The following FAM124B variants were observed in gnomAD, a reference collection of about 807,000 sequenced individuals.
FAM124B encodes family with sequence similarity 124 member B.
FAM124B carries 18 observed loss-of-function variants against 19.7 expected under a neutral mutation model. The ratio of observed to expected loss-of-function variants is 0.92; its 90% confidence interval spans 0.63 to 1.36. The LOEUF (loss-of-function observed/expected upper bound fraction) is 1.36. FAM124B is among the 40% of genes most tolerant of loss of function. The pLI, the probability that FAM124B is intolerant of heterozygous loss-of-function variation, is 0.00. For synonymous variants in FAM124B, 223 were observed against 225.2 expected (o/e 0.99, Z 0.09); for missense variants, 540 against 553.3 (o/e 0.98, Z 0.24).
At chr2:224,400,606 G>T in intron 1 of FAM124B, 1 of 614,320 alleles carries the variant, frequency 1.6e-6, no homozygotes, top group Non-Finnish European at 2.9e-6. Flanking sequence ...ACATTCCTGA[G>T]CCCAAAGAGT....
At position 224,395,433 on chromosome 2, in the gene FAM124B, C is replaced by T. The variant is rs143956374; in HGVS notation, c.732+5604G>A. 2.5e-3 allele frequency among the ~76,000 whole-genome samples: 376 copies of T among 152,168 alleles called. 4 individuals carry two copies. The highest frequency in any genetic ancestry group is 0.01 in the Middle Eastern group (3 of 294). On this transcript the variant is annotated intron_variant, in intron 1 of 1. Transcript: ENST00000409685. ...GTTGCAGGAGGTTTAAAAAAAGAGGCGGACATCATCACCCATGCTACCTTC... is the reference window on the plus strand; with the variant it reads ...GTTGCAGGAGGTTTAAAAAAAGAGGTGGACATCATCACCCATGCTACCTTC...
At chr2:224,384,115 C>T (rs1243651231) in intron 1 of FAM124B, among the ~76,000 whole-genome samples, 1 of 152,198 alleles carries the variant, frequency 6.6e-6, no homozygotes, top group Non-Finnish European at 1.5e-5. Flanking sequence ...GAAGCGCCCT[C>T]CTGGGCCAGC....
intron 1 of FAM124B, among the ~76,000 whole-genome samples, chr2:224,382,023 A>G (rs1477198329): frequency 6.6e-6 from 1 of 152,184 alleles, no homozygotes; most frequent in African/African-American, 2.4e-5. Context: ...GACGCAGAGT[A>G]CATCTCAATT....
At chr2:224,387,505 A>G (rs1415468942) in intron 1 of FAM124B, among the ~76,000 whole-genome samples, 1 of 152,252 alleles carries the variant, frequency 6.6e-6, no homozygotes, top group East Asian at 1.9e-4. Context: ...AGAAACCTCT[A>G]AACAGTGCCA....
At chr2:224,401,007 T>A in intron 1 of FAM124B, 30 bp downstream of exon 1, 1 of 1,557,578 alleles carries the variant, frequency 6.4e-7, no homozygotes, top group Non-Finnish European at 8.7e-7. Context: ...TCCATGAGCC[T>A]CTACAAGATC....
In FAM124B at chr2:224,401,466, GT is replaced by G; in HGVS notation, c.302del (p.Asp101AlafsTer28). The G allele has an allele frequency of 1.2e-6, 2 of 1,614,154 alleles. No homozygotes were observed. On this transcript the variant is annotated frameshift_variant, in exon 1 of 2. Transcript: ENST00000409685. LOFTEE classifies it high-confidence loss of function. The stretch of plus-strand genomic sequence containing the variant: ...AGTAGGGACACAGCCTTCCCCGAGT[GT>G]CCTGGGTGGGGTAGCACTGCCATGG... Reference protein sequence around the residue: ...HSPWQCYPTQDTRGRLCPYFF... With the variant: ...HSPWQCYPTQXTRGRLCPYFF...
intron 1 of FAM124B, among the ~76,000 whole-genome samples, chr2:224,390,701 T>TG (rs1689867598): frequency 2.2e-5 from 2 of 89,148 alleles, no homozygotes; most frequent in South Asian, 8.1e-4. Flanking sequence ...AACTTTTTTT[T>TG]TTGTTTGTTT....
chr2:224,382,117 G>T (rs529455652), intron 1 of FAM124B, among the ~76,000 whole-genome samples: 1 of 152,166 alleles, frequency 6.6e-6, no homozygotes, highest in African/African-American at 2.4e-5. Context: ...GATTCTTTTA[G>T]AATAGAAGTT....
intron 1 of FAM124B, among the ~76,000 whole-genome samples, chr2:224,384,666 C>G (rs80324292): frequency 0.041 from 6,210 of 152,212 alleles, 396 homozygotes; most frequent in African/African-American, 0.13. Context: ...GCAGCACCAT[C>G]GCCCCCACTC....
chr2:224,400,593 G>C (rs1369650422), intron 1 of FAM124B: 2 of 635,636 alleles, frequency 3.1e-6, no homozygotes, highest in Admixed American at 5.0e-5. Context: ...AGAAGAGCTT[G>C]TGACATTCCT....
chr2:224,379,524 A>G lies in FAM124B; in HGVS notation c.*49T>C, dbSNP rs1293354952. On this transcript the variant is annotated 3_prime_UTR_variant, in exon 2 of 2. Transcript: ENST00000409685. ...GATTCTGGGTCAGTACTCCATTTCTAGAACATTTTATCTGATCTTGTGTTT... is the reference window on the plus strand; with the variant it reads ...GATTCTGGGTCAGTACTCCATTTCTGGAACATTTTATCTGATCTTGTGTTT... The G allele has an allele frequency of 6.8e-7, 1 of 1,476,284 alleles. No individual in the cohort carries two copies. The highest frequency in any genetic ancestry group is 9.0e-7 in the Non-Finnish European group (1 of 1,113,642). The allele number at this position is 1,476,284 out of a possible 1,614,324, so 91.4% of individuals were successfully genotyped here.
chr2:224,392,289 A>G (rs1227767688), intron 1 of FAM124B, among the ~76,000 whole-genome samples: 1 of 152,122 alleles, frequency 6.6e-6, no homozygotes, highest in Non-Finnish European at 1.5e-5. Context: ...ACAAAACATT[A>G]AAAACTTATC....
At position 224,402,025 on chromosome 2, in the gene FAM124B, G is replaced by C. The variant is rs1421904845; in HGVS notation, c.-257C>G. 6.2e-6 allele frequency: 3 copies of C among 482,752 alleles called. No individual in the cohort carries two copies. The highest frequency in any genetic ancestry group is 1.9e-5 in the African/African-American group (1 of 52,286). 29.9% of individuals were successfully genotyped at this position (482,752 alleles called of 1,614,324 possible). On this transcript the variant is annotated 5_prime_UTR_variant, in exon 1 of 2. Transcript: ENST00000409685. ...AGCAGCAGCGGGGTCACGTCATCCA[G>C]CTTGTGCATAATGTAACTGCTTGTG...
chr2:224,397,568 T>C (rs1689994179), intron 1 of FAM124B, among the ~76,000 whole-genome samples: 1 of 151,966 alleles, frequency 6.6e-6, no homozygotes, highest in African/African-American at 2.4e-5. Context: ...GACAGGAAAA[T>C]GTGGGAAAGT....
chr2:224,397,297 T>C (rs1689988972), intron 1 of FAM124B, among the ~76,000 whole-genome samples: 1 of 152,170 alleles, frequency 6.6e-6, no homozygotes, highest in African/African-American at 2.4e-5. Context: ...CTGCTATCCA[T>C]GTAAGATGTG....
Position 224,401,790 on chromosome 2 carries a change from C to CA in FAM124B, c.-23dup. 6.3e-7 allele frequency: 1 copy of CA among 1,595,848 alleles called. No homozygotes were observed. Among genetic ancestry groups the CA allele is most frequent in the Non-Finnish European group, 8.5e-7 (1 of 1,169,964 alleles). ...CCATGGAGGAACTGCCTGAGGCTGACAAAGACAGCGTGTGTAGAAGGCCCA... is the reference window on the plus strand; with the variant it reads ...CCATGGAGGAACTGCCTGAGGCTGACAAAAGACAGCGTGTGTAGAAGGCCCA... On this transcript the variant is annotated 5_prime_UTR_variant, in exon 1 of 2. Coordinates refer to ENST00000409685, the MANE Select transcript of FAM124B (RefSeq NM_001122779.2).
chr2:224,384,022 C>T (rs1689763956), intron 1 of FAM124B, among the ~76,000 whole-genome samples: 1 of 152,180 alleles, frequency 6.6e-6, no homozygotes, highest in African/African-American at 2.4e-5. Context: ...AGTAATCGCC[C>T]CTTGCCATCT....
At chr2:224,391,444 G>T (rs1689886478) in intron 1 of FAM124B, among the ~76,000 whole-genome samples, 1 of 151,850 alleles carries the variant, frequency 6.6e-6, no homozygotes, top group Non-Finnish European at 1.5e-5. Flanking sequence ...TTAAAATCTT[G>T]CTAAGATATG....
intron 1 of FAM124B, among the ~76,000 whole-genome samples, chr2:224,392,479 G>T (rs922890373): frequency 2.6e-5 from 4 of 152,020 alleles, no homozygotes; most frequent in African/African-American, 7.2e-5. Context: ...GATAGGCCAG[G>T]CATGGTGGCT....
Sources: gnomAD v4.1 joint callset for allele counts (sites outside exome capture counted in the v4.1 genomes callset) on GRCh38, gnomAD v4.1.1 for gene constraint, MANE v1.5 for transcripts, NCBI Gene and HGNC (gene_info 2026-07-23, HGNC 2026-07-21) for gene names.